SLC8A3: variants seen among roughly 807,000 people sequenced by gnomAD.
SLC8A3 encodes solute carrier family 8 member A3.
In SLC8A3, 37 loss-of-function variants were observed where a neutral mutation model predicts 65.4. That is an observed-to-expected ratio of 0.57 (90% confidence interval 0.44 to 0.74). SLC8A3 has a LOEUF of 0.74. SLC8A3 is among the 30% of genes least tolerant of loss of function. The pLI is 0.00. For synonymous variants in SLC8A3, 461 were observed against 444.5 expected (o/e 1.04, Z -0.47); for missense variants, 1,112 against 1,172.1 (o/e 0.95, Z 0.75).
chr14:70,092,635 A>G (rs1316337145), intron 2 of SLC8A3, among the ~76,000 whole-genome samples: 1 of 152,168 alleles, frequency 6.6e-6, no homozygotes, highest in East Asian at 1.9e-4. Context: ...TGAATGGCCT[A>G]AATGTTCTCT....
chr14:70,075,589 C>T (rs192297010), intron 2 of SLC8A3, among the ~76,000 whole-genome samples: 92 of 152,178 alleles, frequency 6.0e-4, no homozygotes, highest in African/African-American at 2.1e-3. Flanking sequence ...TGCTTGGAAC[C>T]GTCTTCTCTG....
intron 3 of SLC8A3, among the ~76,000 whole-genome samples, chr14:70,054,806 C>T (rs1276407710): frequency 2.0e-5 from 3 of 151,972 alleles, no homozygotes; most frequent in East Asian, 1.9e-4. Context: ...CTATGTACAC[C>T]GCCCCTTCCT....
At chr14:70,085,170 A>G (rs1891338830) in intron 2 of SLC8A3, among the ~76,000 whole-genome samples, 1 of 152,202 alleles carries the variant, frequency 6.6e-6, no homozygotes, top group Admixed American at 6.5e-5. Flanking sequence ...GGCCAAATTC[A>G]TAACCTATAG....
chr14:70,047,166 C>G (rs1212484047), intron 6 of SLC8A3: 3 of 152,156 alleles, frequency 2.0e-5, no homozygotes, highest in Non-Finnish European at 4.4e-5. Flanking sequence ...TTCTTAAAGC[C>G]TCAAATGTTG....
At chr14:70,108,115 C>T (rs1240816266) in intron 2 of SLC8A3, among the ~76,000 whole-genome samples, 1 of 151,432 alleles carries the variant, frequency 6.6e-6, no homozygotes, top group Non-Finnish European at 1.5e-5. Context: ...TACAGCCTGG[C>T]ACACAGTAGA....
intron 1 of SLC8A3, among the ~76,000 whole-genome samples, chr14:70,175,583 A>G (rs1166260698): frequency 6.6e-6 from 1 of 152,080 alleles, no homozygotes; most frequent in African/African-American, 2.4e-5. Context: ...TTGTAAAGTG[A>G]GTCATTTATT....
intron 2 of SLC8A3, among the ~76,000 whole-genome samples, chr14:70,074,334 T>G (rs1890287745): frequency 6.6e-6 from 1 of 152,258 alleles, no homozygotes; most frequent in African/African-American, 2.4e-5. Context: ...GGGGAAATTC[T>G]TGTTTTATAC....
In SLC8A3 at chr14:70,167,839, C is replaced by A. The variant is rs191124775; in HGVS notation, c.584G>T (p.Arg195Leu). 6.2e-6 allele frequency: 10 copies of A among 1,614,094 alleles called. No individual in the cohort carries two copies. The East Asian group carries it at 1.1e-4, about 18-fold the overall frequency. The change falls in exon 2 of 7, where the codon CGC becomes CTC. Residue 195 changes from arginine (R) to leucine (L), a missense_variant. By Grantham distance (102) the Arg-to-Leu change is moderately radical. Coordinates refer to ENST00000356921, the MANE Select transcript of SLC8A3 (RefSeq NM_182932.3). ...CVYVIPDGET[R>L]KIKHLRVFFI... ...GAAGACTCGTAGATGCTTGATCTTG[C>A]GAGTCTCTCCGTCTGGGATCACGTA...
chr14:70,175,662 T>C (rs715306), intron 1 of SLC8A3, among the ~76,000 whole-genome samples: 1,911 of 152,246 alleles, frequency 0.013, 38 homozygotes, highest in African/African-American at 0.042. Context: ...CTTATCTGTT[T>C]ACCTATCCAT....
At chr14:70,100,246 A>G (rs1322210817) in intron 2 of SLC8A3, among the ~76,000 whole-genome samples, 1 of 152,216 alleles carries the variant, frequency 6.6e-6, no homozygotes, top group Non-Finnish European at 1.5e-5. Context: ...AACCTGGATC[A>G]GCCACTCAAC....
At chr14:70,084,599 A>C (rs958396029) in intron 2 of SLC8A3, among the ~76,000 whole-genome samples, 1 of 152,170 alleles carries the variant, frequency 6.6e-6, no homozygotes, top group Admixed American at 6.5e-5. Flanking sequence ...GTACTTTTCC[A>C]TCTCTCTCCA....
In SLC8A3 at chr14:70,166,966, T is replaced by C. The variant is rs760845207; in HGVS notation, c.1457A>G (p.Asn486Ser). The C allele has an allele frequency of 6.2e-7, 1 of 1,614,156 alleles. No homozygotes were observed. Among genetic ancestry groups the C allele is most frequent in the African/African-American group, 1.3e-5 (1 of 75,058 alleles). Reference sequence around the variant, plus strand: ...TGGCTGCTCCTCCTCTATGCGGACATTGCTCAACCTTACAAAGAAGTGTTC... The same window carrying C: ...TGGCTGCTCCTCCTCTATGCGGACACTGCTCAACCTTACAAAGAAGTGTTC... Reference protein sequence around the residue: ...EDEHFFVRLSNVRIEEEQPEE... With the variant: ...EDEHFFVRLSSVRIEEEQPEE... The change falls in exon 2 of 7, where the codon AAT becomes AGT. Residue 486 changes from asparagine (N) to serine (S), a missense_variant. Physicochemically the swap from Asn to Ser is conservative, Grantham distance 46. Coordinates refer to ENST00000356921, the MANE Select transcript of SLC8A3 (RefSeq NM_182932.3).
At chr14:70,066,380 CCAT>C (rs1056491508) in intron 2 of SLC8A3, among the ~76,000 whole-genome samples, 9 of 152,194 alleles carry the variant, frequency 5.9e-5, no homozygotes, top group African/African-American at 2.2e-4. Context: ...GTCAATGGCA[CCAT>C]CATCTAACAA....
rs1392864472 is a variant in SLC8A3 at position 70,046,441 on chromosome 14, A to G, written c.2390-118T>C. ...GGGCTGAACCCAGGAATGAGAGACA[A>G]GGGCTAGGGGGCCACTCCTAACTCC... On this transcript the variant is annotated intron_variant, in intron 6 of 6. Coordinates refer to ENST00000356921, the MANE Select transcript of SLC8A3 (RefSeq NM_182932.3). This position sits in a 1 kb window ranked among gnomAD's most constrained non-coding sequence, Gnocchi z 4.2. The G allele has an allele frequency of 6.1e-5, 64 of 1,050,832 alleles. No homozygotes were observed. Among genetic ancestry groups the G allele is most frequent in the Middle Eastern group, 5.2e-4 (2 of 3,820 alleles). The allele number at this position is 1,050,832 out of a possible 1,614,324, so 65.1% of individuals were successfully genotyped here.
chr14:70,080,317 C>G (rs866027054), intron 2 of SLC8A3: 1 of 788,424 alleles, frequency 1.3e-6, no homozygotes, highest in Non-Finnish European at 1.5e-6. Context: ...TGGAGCTCAG[C>G]GGTGAGGATC....
At chr14:70,055,309 A>G (rs1887968473) in intron 3 of SLC8A3, among the ~76,000 whole-genome samples, 1 of 152,208 alleles carries the variant, frequency 6.6e-6, no homozygotes, top group Admixed American at 6.5e-5. Context: ...CAGGACTGGT[A>G]AAATTCCAGA....
upstream of SLC8A3, among the ~76,000 whole-genome samples, chr14:70,189,274 G>A (rs1487929104): frequency 1.3e-5 from 2 of 152,242 alleles, no homozygotes; most frequent in East Asian, 3.9e-4. Context: ...GCGCCTCCCG[G>A]CCGGCAGCAC....
intron 2 of SLC8A3, among the ~76,000 whole-genome samples, chr14:70,091,608 C>T (rs999549750): frequency 4.6e-5 from 7 of 152,158 alleles, no homozygotes; most frequent in African/African-American, 1.7e-4. Context: ...GTCGGAGCCA[C>T]GCACCCCTCC....
chr14:70,101,613 T>C (rs1892559202), intron 2 of SLC8A3, among the ~76,000 whole-genome samples: 9 of 152,222 alleles, frequency 5.9e-5, no homozygotes, highest in Admixed American at 5.9e-4. Flanking sequence ...CAGTTTGTAT[T>C]TTTAAAATGA....
Sources: gnomAD v4.1 joint callset for allele counts (sites outside exome capture counted in the v4.1 genomes callset) on GRCh38, gnomAD v4.1.1 for gene constraint, Gnocchi (gnomAD v3.1) non-coding constraint, MANE v1.5 for transcripts, NCBI Gene and HGNC (gene_info 2026-07-23, HGNC 2026-07-21) for gene names.